Variants in GLB1L2 observed in about 807,000 individuals in gnomAD.
GLB1L2 encodes the protein beta-galactosidase-1-like protein 2.
Under a neutral mutation model 84.1 loss-of-function variants are expected in GLB1L2, and 68 were observed. The observed-to-expected ratio is 0.81, with a 90% CI of 0.67 to 0.99. The LOEUF is 0.99. Among genes scored for constraint, GLB1L2 ranks in the 50% least tolerant of loss-of-function variants. GLB1L2 has a pLI of 0.00. For synonymous variants in GLB1L2, 290 were observed against 318.0 expected (o/e 0.91, Z 0.94); for missense variants, 762 against 805.6 (o/e 0.95, Z 0.66).
chr11:134,374,288 C>T, intron 17 of GLB1L2, 32 bp downstream of exon 17: 11 of 1,493,602 alleles, frequency 7.4e-6, no homozygotes, highest in Non-Finnish European at 1.0e-5. Flanking sequence ...GCCAGTTTCT[C>T]CCACCTGCCT....
chr11:134,355,593 C>G (rs892288531), intron 5 of GLB1L2, among the ~76,000 whole-genome samples: 1 of 152,204 alleles, frequency 6.6e-6, no homozygotes, highest in African/African-American at 2.4e-5. Flanking sequence ...CCTCCCCTCC[C>G]TGGTCGCTTT....
At chr11:134,341,495 T>C (rs1167970445) in intron 1 of GLB1L2, among the ~76,000 whole-genome samples, 1 of 152,184 alleles carries the variant, frequency 6.6e-6, no homozygotes, top group African/African-American at 2.4e-5. Context: ...TGTCCTAAAA[T>C]GTCATTTGCA....
intron 1 of GLB1L2, among the ~76,000 whole-genome samples, chr11:134,342,059 G>C (rs1467990201): frequency 6.6e-6 from 1 of 151,116 alleles, no homozygotes; most frequent in Non-Finnish European, 1.5e-5. Context: ...CCAGCTTCTC[G>C]CACGGCTTTC....
At position 134,375,011 on chromosome 11, in the gene GLB1L2, C is replaced by A. The variant is rs1057167806; in HGVS notation, c.1864C>A (p.Gln622Lys). 6.2e-7 allele frequency: 1 copy of A among 1,613,804 alleles called. No individual in the cohort carries two copies. Among genetic ancestry groups the A allele is most frequent in the Non-Finnish European group, 8.5e-7 (1 of 1,179,988 alleles). The part of the protein sequence containing the change: ...FEETMAGPAL[Q>K]FTETPHLGRN... The stretch of plus-strand genomic sequence containing the variant: ...GGAGACGATGGCGGGCCCTGCATTA[C>A]AGTTCACGGAAACCCCCCACCTGGG... Residue 622 changes from glutamine to lysine, a missense_variant, in exon 19 of 19, where the codon CAG becomes AAG. By Grantham distance (53) the Gln-to-Lys change is moderately conservative (BLOSUM62 1). Transcript: ENST00000535456.
chr11:134,371,529 C>T, intron 14 of GLB1L2, 37 bp downstream of exon 14: 2 of 1,296,824 alleles, frequency 1.5e-6, no homozygotes, highest in Non-Finnish European at 2.2e-6. Context: ...TGGCTAGCCC[C>T]CGCTGCTTCG....
intron 4 of GLB1L2, among the ~76,000 whole-genome samples, chr11:134,345,659 CAG>C (rs964988091): frequency 1.3e-5 from 2 of 152,116 alleles, no homozygotes; most frequent in African/African-American, 4.8e-5. Flanking sequence ...TTAGTAAAGA[CAG>C]GGTTTCACCA....
intron 7 of GLB1L2, among the ~76,000 whole-genome samples, chr11:134,362,410 TG>T (rs1338983342): frequency 6.6e-6 from 1 of 152,208 alleles, no homozygotes; most frequent in African/African-American, 2.4e-5. Context: ...GGGGATGCTC[TG>T]GATCAGCCGC....
rs542773148 is a variant in GLB1L2 at position 134,365,243 on chromosome 11, T to C, written c.804+845T>C. On this transcript the variant is annotated intron_variant, in intron 8 of 18. Transcript: ENST00000535456. ...TGTGTGTGTTTGATGTGGCTTCTCC[T>C]GGAGTTCAGCTGCCAGAGTAGGCGA... is the stretch of plus-strand genomic sequence containing the variant. Among the ~76,000 whole-genome samples, 122 of 152,326 alleles carry C rather than the reference T, an allele frequency of 8.0e-4. 1 individual carries two copies. The Middle Eastern group carries it at 0.02, about 25-fold the overall frequency.
At chr11:134,347,542 G>A in intron 5 of GLB1L2, 109 bp downstream of exon 5, 2 of 761,572 alleles carry the variant, frequency 2.6e-6, no homozygotes, top group Admixed American at 1.8e-5. Context: ...GAACACACGA[G>A]CAGGCTCTTC....
At chr11:134,341,847 C>T (rs904110223) in intron 1 of GLB1L2, among the ~76,000 whole-genome samples, 3 of 152,130 alleles carry the variant, frequency 2.0e-5, no homozygotes, top group African/African-American at 7.2e-5. Context: ...AGCTGAGGGG[C>T]GTCTTGTGCA....
intron 1 of GLB1L2, among the ~76,000 whole-genome samples, chr11:134,337,656 C>T (rs1046217976): frequency 5.1e-4 from 78 of 152,180 alleles, no homozygotes; most frequent in African/African-American, 1.8e-3. Flanking sequence ...TAGAACCGAA[C>T]CAGAATCCTG....
rs1943431723 is a variant in GLB1L2, at chr11:134,339,366, G to C, written c.87-3388G>C. Among the ~76,000 whole-genome samples the C allele has an allele frequency of 6.6e-6, 1 of 152,140 alleles. No homozygotes were observed. Among genetic ancestry groups the C allele is most frequent in the African/African-American group, 2.4e-5 (1 of 41,414 alleles). ...ATAGCCATTTACATGATGCTTCGTT[G>C]TTTATGAAGCTGTAACTCGCATGGT... On this transcript the variant is annotated intron_variant, in intron 1 of 18. Coordinates refer to ENST00000535456, the MANE Select transcript of GLB1L2 (RefSeq NM_001370461.1). This position sits in a 1 kb window ranked among gnomAD's most constrained non-coding sequence, Gnocchi z 5.7.
In GLB1L2 at chr11:134,367,323, A is replaced by G. The variant is rs201601432; in HGVS notation, c.871A>G (p.Asn291Asp). The change falls in exon 9 of 19, where the codon AAT (asparagine) becomes GAT (aspartate). Residue 291 changes from asparagine (N) to aspartate (D), a missense_variant. Asn to Asp is a conservative substitution (Grantham distance 23). Around this residue, in one of 3 missense-constraint regions of GLB1L2, gnomAD observed 603 missense variants for 611.7 expected, o/e 0.99. Transcript: ENST00000535456. The part of the protein sequence containing the change: ...GWFDSWGGPH[N>D]ILDSSEVLKT... ...GTTTGACTCGTGGGGAGGCCCTCACAATATCTTGGATTCTTCTGGTGAGTG... is the reference window on the plus strand; with the variant it reads ...GTTTGACTCGTGGGGAGGCCCTCACGATATCTTGGATTCTTCTGGTGAGTG... 17 of 1,613,990 alleles carry G rather than the reference A, an allele frequency of 1.1e-5. No individual in the cohort carries two copies. Among genetic ancestry groups the G allele is most frequent in the Middle Eastern group, 3.3e-4 (2 of 6,046 alleles).
At chr11:134,348,777 A>G (rs956530554) in intron 5 of GLB1L2, among the ~76,000 whole-genome samples, 12 of 151,998 alleles carry the variant, frequency 7.9e-5, no homozygotes, top group African/African-American at 2.9e-4. Flanking sequence ...AGTTTTGGAG[A>G]GTGGGAAGTC....
At chr11:134,373,071 CA>C (rs1943978191) in intron 15 of GLB1L2, among the ~76,000 whole-genome samples, 1 of 152,180 alleles carries the variant, frequency 6.6e-6, no homozygotes, top group Non-Finnish European at 1.5e-5. Flanking sequence ...TGCGCGTGCC[CA>C]CATAGACCCG....
chr11:134,375,700 C>T lies in GLB1L2; in HGVS notation c.*642C>T, dbSNP rs1262966639. 1 of 152,488 alleles carries T rather than the reference C, an allele frequency of 6.6e-6. No individual in the cohort carries two copies. Among genetic ancestry groups the T allele is most frequent in the East Asian group, 1.9e-4 (1 of 5,210 alleles). 9.4% of individuals were successfully genotyped at this position (152,488 alleles called of 1,614,324 possible). ...AGAAACAGAAATCCTCACCCTGCGT[C>T]TTCCCAAGTTAGCAGGTGTCTCTGG... On this transcript the variant is annotated 3_prime_UTR_variant, in exon 19 of 19. Transcript: ENST00000535456.
At chr11:134,358,964 C>A in intron 6 of GLB1L2, 96 bp from the exon 7 acceptor site, 1 of 818,618 alleles carries the variant, frequency 1.2e-6, no homozygotes, top group Non-Finnish European at 1.9e-6. Context: ...GTCATCTCTC[C>A]TTCTAGCTCT....
rs758421709 is a variant in GLB1L2, at chr11:134,342,969, C to T, written c.284+18C>T. 9.5e-6 allele frequency: 15 copies of T among 1,581,660 alleles called. No homozygotes were observed. The highest frequency in any genetic ancestry group is 2.7e-5 in the African/African-American group (2 of 73,424). Reference sequence around the variant, plus strand: ...CTCACCACGTAGGTGCTGCCCCTGTCCCCCCGGAGCCTGGTTCCTAAGCAG... The same window carrying T: ...CTCACCACGTAGGTGCTGCCCCTGTTCCCCCGGAGCCTGGTTCCTAAGCAG... On this transcript the variant is annotated intron_variant, in intron 2 of 18. Coordinates refer to ENST00000535456, the MANE Select transcript of GLB1L2 (RefSeq NM_001370461.1).
At chr11:134,344,920 C>T (rs1943529040) in intron 3 of GLB1L2, 114 bp from the exon 4 acceptor site, 3 of 1,261,958 alleles carry the variant, frequency 2.4e-6, no homozygotes, top group South Asian at 1.5e-5. Context: ...GGGGGTGGGG[C>T]CGAGCCGTCC....
Sources: allele counts gnomAD v4.1 joint callset (sites outside exome capture counted in the v4.1 genomes callset), GRCh38; gene constraint gnomAD v4.1.1; regional missense constraint gnomAD v4.1.1; non-coding constraint Gnocchi (gnomAD v3.1); transcripts MANE v1.5; gene names NCBI Gene and HGNC (gene_info 2026-07-23, HGNC 2026-07-21).